The following VWA3B variants were observed in gnomAD, a reference collection of about 807,000 sequenced individuals.
VWA3B encodes von Willebrand factor A domain containing 3B, also known as von Willebrand factor A domain-containing protein 3B.
A neutral mutation model predicts 158.3 loss-of-function variants in VWA3B; 138 were observed. The ratio of observed to expected loss-of-function variants is 0.87; its 90% CI spans 0.76 to 1.00. The LOEUF is 1.00. VWA3B is among the 50% of genes least tolerant of loss of function. The probability of loss-of-function intolerance (pLI) is 0.00; values close to 1 mark genes in which losing one functional copy is unlikely to be tolerated. For missense variants in VWA3B, 1,555 were observed against 1,565.1 expected, an observed-to-expected ratio of 0.99 and a Z score of 0.11; for synonymous variants, 596 against 587.3, an observed-to-expected ratio of 1.01 and a Z score of -0.21.
chr2:98,207,200 A>C (rs933974842), intron 12 of VWA3B: 1 of 549,588 alleles, frequency 1.8e-6, no homozygotes, highest in African/African-American at 1.9e-5. Flanking sequence ...CACTACCAAG[A>C]GGAGATCTAT....
At chr2:98,303,922 G>A in intron 26 of VWA3B, 120 bp downstream of exon 26, 4 of 914,178 alleles carry the variant, frequency 4.4e-6, no homozygotes, top group Admixed American at 4.6e-5. Context: ...GATGCAGAAT[G>A]TCCTACTTAA....
chr2:98,099,999 G>T (rs1398132527), intron 2 of VWA3B, among the ~76,000 whole-genome samples: 2 of 152,010 alleles, frequency 1.3e-5, no homozygotes, highest in Non-Finnish European at 2.9e-5. Context: ...TTTTCTTGAA[G>T]TTCACTGAGC....
At chr2:98,165,694 A>T (rs1679008847) in intron 8 of VWA3B, among the ~76,000 whole-genome samples, 1 of 151,842 alleles carries the variant, frequency 6.6e-6, no homozygotes, top group Non-Finnish European at 1.5e-5. Flanking sequence ...TTTTCCTGTG[A>T]CTGGGTGTCC....
the VWA3B span, among the ~76,000 whole-genome samples, chr2:98,325,405 C>G: frequency 6.6e-6 from 1 of 152,176 alleles, no homozygotes; most frequent in South Asian, 2.1e-4. Context: ...AAGAAAACCT[C>G]TCAACCCAAA....
chr2:98,323,812 T>C, the VWA3B span, among the ~76,000 whole-genome samples: 6 of 152,206 alleles, frequency 3.9e-5, no homozygotes, highest in Admixed American at 2.6e-4. Flanking sequence ...CAGCAAAGAA[T>C]TGTATATGCA....
intron 7 of VWA3B, among the ~76,000 whole-genome samples, chr2:98,155,968 AC>A (rs1210581098): frequency 2.0e-5 from 3 of 152,166 alleles, no homozygotes; most frequent in Admixed American, 6.5e-5. Context: ...AGCTTTGTGA[AC>A]TTTTGTTGCA....
the VWA3B span, among the ~76,000 whole-genome samples, chr2:98,320,052 A>G: frequency 6.6e-5 from 10 of 152,204 alleles, no homozygotes; most frequent in Admixed American, 1.3e-4. Context: ...CTCATCTTGA[A>G]TTGTAACTCC....
the VWA3B span, among the ~76,000 whole-genome samples, chr2:98,327,409 A>G: frequency 6.6e-6 from 1 of 152,250 alleles, no homozygotes; most frequent in Non-Finnish European, 1.5e-5. Flanking sequence ...CTCAACAAAG[A>G]TTACAATGAA....
At chr2:98,287,500 T>A (rs955365570) in intron 22 of VWA3B, among the ~76,000 whole-genome samples, 2 of 152,192 alleles carry the variant, frequency 1.3e-5, no homozygotes, top group Non-Finnish European at 2.9e-5. Context: ...GATGATGGAA[T>A]GAAGGCTACA....
chr2:98,212,430 C>T (rs773614899), intron 13 of VWA3B, among the ~76,000 whole-genome samples: 2 of 152,198 alleles, frequency 1.3e-5, no homozygotes, highest in Non-Finnish European at 2.9e-5. Flanking sequence ...ACCTCTAAGG[C>T]TTAGTACTCA....
chr2:98,234,145 G>T (rs905807025), intron 16 of VWA3B, among the ~76,000 whole-genome samples: 2 of 152,214 alleles, frequency 1.3e-5, no homozygotes, highest in Non-Finnish European at 2.9e-5. Context: ...TCATGACCAG[G>T]TTATGCTGAC....
intron 7 of VWA3B, among the ~76,000 whole-genome samples, chr2:98,159,825 C>T (rs952739164): frequency 6.6e-6 from 1 of 151,662 alleles, no homozygotes; most frequent in Non-Finnish European, 1.5e-5. Flanking sequence ...CAAGACCAGC[C>T]TGTCCAACAT....
In VWA3B at chr2:98,312,425, C is replaced by G. The variant is rs1690968034; in HGVS notation, c.*76C>G. ...TCAGACCTCAGCGTTGACACTGAAACTGGCCCCTCCGCGGAGGTAAGGCCG... is the reference window on the plus strand; with the variant it reads ...TCAGACCTCAGCGTTGACACTGAAAGTGGCCCCTCCGCGGAGGTAAGGCCG... On this transcript the variant is annotated 3_prime_UTR_variant, in exon 28 of 28. Coordinates refer to ENST00000477737, the MANE Select transcript of VWA3B (RefSeq NM_144992.5). 8.6e-6 allele frequency: 13 copies of G among 1,517,076 alleles called. No homozygotes were observed. The South Asian group carries it at 1.0e-4, about 12-fold the overall frequency. 94.0% of individuals were successfully genotyped at this position (1,517,076 alleles called of 1,614,324 possible).
chr2:98,143,562 G>C (rs1676944320), intron 7 of VWA3B, among the ~76,000 whole-genome samples: 1 of 151,796 alleles, frequency 6.6e-6, no homozygotes, highest in South Asian at 2.1e-4. Context: ...TGCTATATTA[G>C]CTGTGTTACA....
chr2:98,176,792 A>T (rs1006471786), intron 8 of VWA3B, among the ~76,000 whole-genome samples: 1 of 152,170 alleles, frequency 6.6e-6, no homozygotes, highest in Non-Finnish European at 1.5e-5. Flanking sequence ...ATCCTTTGAA[A>T]CTTTCCTTTC....
chr2:98,228,593 A>G (rs527712207), intron 15 of VWA3B, among the ~76,000 whole-genome samples: 27 of 152,104 alleles, frequency 1.8e-4, no homozygotes, highest in Non-Finnish European at 3.5e-4. Flanking sequence ...GACCCAAGCA[A>G]TGAGAGGGCG....
At position 98,181,761 on chromosome 2, in the gene VWA3B, G is replaced by C. The variant is rs568891960; in HGVS notation, c.1311+549G>C. On this transcript the variant is annotated intron_variant, in intron 9 of 27. Coordinates refer to ENST00000477737, the MANE Select transcript of VWA3B (RefSeq NM_144992.5). Reference sequence around the variant, plus strand: ...ACAGCTTCTCCTAGTGCCTGACTCTGGCTCCCAATGAAGGACAGTGCTCGA... The same window carrying C: ...ACAGCTTCTCCTAGTGCCTGACTCTCGCTCCCAATGAAGGACAGTGCTCGA... Among the ~76,000 whole-genome samples the C allele has an allele frequency of 5.3e-5, 8 of 152,278 alleles. No individual in the cohort carries two copies. The South Asian group carries it at 1.0e-3, about 20-fold the overall frequency.
intron 26 of VWA3B, among the ~76,000 whole-genome samples, chr2:98,304,990 AC>A (rs1227787262): frequency 1.3e-5 from 2 of 151,070 alleles, no homozygotes; most frequent in Non-Finnish European, 3.0e-5. Flanking sequence ...ATCCACCCTT[AC>A]CCCTCCAAGA....
chr2:98,132,487 C>A (rs1675954540), intron 6 of VWA3B, among the ~76,000 whole-genome samples: 1 of 152,234 alleles, frequency 6.6e-6, no homozygotes, highest in Non-Finnish European at 1.5e-5. Flanking sequence ...GGTAGAACCA[C>A]CAGTCCAAGC....
Sources: allele counts gnomAD v4.1 joint callset (sites outside exome capture counted in the v4.1 genomes callset), GRCh38; gene constraint gnomAD v4.1.1; transcripts MANE v1.5; gene names NCBI Gene and HGNC (gene_info 2026-07-23, HGNC 2026-07-21).